The following RNF130 variants were observed in gnomAD, a reference collection of about 807,000 sequenced individuals.
The protein encoded by RNF130 is ring finger protein 130, also known as E3 ubiquitin-protein ligase RNF130.
Under a neutral mutation model 44.6 loss-of-function variants are expected in RNF130, and 21 were observed. That is an observed-to-expected ratio of 0.47 (90% CI 0.33 to 0.68). RNF130 has a LOEUF of 0.68. Ranked by LOEUF, RNF130 falls within the 30% of genes least tolerant of loss-of-function variation. RNF130 has a pLI of 0.02. For synonymous variants in RNF130, 214 were observed against 210.4 expected (o/e 1.02, Z -0.15); for missense variants, 479 against 560.6 (o/e 0.85, Z 1.47).
intron 7 of RNF130, among the ~76,000 whole-genome samples, chr5:179,949,052 GC>G (rs1316702139): frequency 2.1e-5 from 3 of 145,724 alleles, no homozygotes; most frequent in Non-Finnish European, 4.5e-5. Flanking sequence ...TGCAACCTCT[GC>G]CTCCCGGGTT....
At chr5:179,929,999 T>A (rs572369339) in intron 7 of RNF130, among the ~76,000 whole-genome samples, 1 of 152,336 alleles carries the variant, frequency 6.6e-6, no homozygotes, top group East Asian at 1.9e-4. Context: ...CTCAGTATGA[T>A]GTTTCTTTGA....
intron 7 of RNF130, among the ~76,000 whole-genome samples, chr5:179,944,933 TTTA>T (rs1274994031): frequency 2.0e-5 from 3 of 152,152 alleles, no homozygotes; most frequent in Admixed American, 6.5e-5. Context: ...GTGGCAAAGC[TTTA>T]TTTTATCACT....
intron 7 of RNF130, among the ~76,000 whole-genome samples, chr5:179,930,437 C>T (rs1477418470): frequency 6.6e-6 from 1 of 152,180 alleles, no homozygotes; most frequent in Non-Finnish European, 1.5e-5. Flanking sequence ...ATTTTAAGAG[C>T]TGATTTGTAG....
chr5:180,038,742 T>A (rs1261930786), intron 2 of RNF130, among the ~76,000 whole-genome samples: 1 of 152,124 alleles, frequency 6.6e-6, no homozygotes, highest in Non-Finnish European at 1.5e-5. Context: ...CCCTCATAAT[T>A]CCCAGATCAT....
At chr5:180,019,995 A>C (rs1047353957) in intron 2 of RNF130, among the ~76,000 whole-genome samples, 10 of 152,170 alleles carry the variant, frequency 6.6e-5, no homozygotes, top group Non-Finnish European at 1.5e-4. Context: ...GCCAGGAGGG[A>C]AACTGGGAGA....
At chr5:180,027,082 G>C (rs1171981986) in intron 2 of RNF130, among the ~76,000 whole-genome samples, 3 of 152,138 alleles carry the variant, frequency 2.0e-5, no homozygotes, top group South Asian at 2.1e-4. Context: ...ACAGCACAGA[G>C]AGCTGCCAAA....
In RNF130 at chr5:179,982,566, G is replaced by GTGTTTTGTTT. The variant is rs71591449; in HGVS notation, c.694-2376_694-2367dup. Among the ~76,000 whole-genome samples the GTGTTTTGTTT allele has an allele frequency of 1.9e-3, 279 of 150,712 alleles. 3 individuals carry two copies. Among genetic ancestry groups the GTGTTTTGTTT allele is most frequent in the African/African-American group, 5.9e-3 (241 of 40,784 alleles). ...CCAACACTTGGTATGGTGAGATTTT[G>GTGTTTTGTTT]TGTTTTGTTTTGTTTTGTTTTGTTT... On this transcript the variant is annotated intron_variant, in intron 3 of 8. Coordinates refer to ENST00000521389, the MANE Select transcript of RNF130 (RefSeq NM_018434.6).
At chr5:179,937,933 T>TGTGAGAGAGAGA (rs1268947878) in intron 7 of RNF130, among the ~76,000 whole-genome samples, 5 of 116,220 alleles carry the variant, frequency 4.3e-5, no homozygotes, top group Non-Finnish European at 7.1e-5. Context: ...TGTGTGTGTG[T>TGTGAGAGAGAGA]GAGAGAGAGA....
intron 1 of RNF130, among the ~76,000 whole-genome samples, chr5:180,059,524 A>G (rs1034586191): frequency 3.3e-5 from 5 of 152,202 alleles, no homozygotes; most frequent in Non-Finnish European, 2.9e-5. Context: ...TACTTGAGGC[A>G]GCTGTCCCAC....
At chr5:180,021,792 C>T (rs1763877184) in intron 2 of RNF130, among the ~76,000 whole-genome samples, 1 of 152,236 alleles carries the variant, frequency 6.6e-6, no homozygotes, top group Non-Finnish European at 1.5e-5. Context: ...AATACAACCC[C>T]CAAATAAGGA....
intron 8 of RNF130, among the ~76,000 whole-genome samples, chr5:179,958,266 A>G (rs1222901811): frequency 6.6e-6 from 1 of 152,236 alleles, no homozygotes; most frequent in Non-Finnish European, 1.5e-5. Context: ...TTAACGACTA[A>G]TATTAACAAC....
intron 3 of RNF130, among the ~76,000 whole-genome samples, chr5:179,981,793 C>T (rs950481937): frequency 6.6e-6 from 1 of 152,228 alleles, no homozygotes; most frequent in Non-Finnish European, 1.5e-5. Context: ...GATACAAAAT[C>T]CACACACTGC....
chr5:179,920,293 C>G lies in RNF130; in HGVS notation c.*24G>C, dbSNP rs748032933. 58 of 687,752 alleles carry G rather than the reference C, an allele frequency of 8.4e-5. No individual in the cohort carries two copies. In the South Asian group the frequency reaches 8.7e-4, roughly 10 times the overall value. The allele number at this position is 687,752 out of a possible 1,614,324, so 42.6% of individuals were successfully genotyped here. A position where few individuals can be genotyped will look rare whatever the true frequency, so the allele number is the denominator to read the frequency against. On this transcript the variant is annotated 3_prime_UTR_variant, in exon 8 of 8. Transcript: ENST00000522208. ...AATCAAATCACAAAAGCAGTGACCC[C>G]AACAGCCAGGCCATGTTTAAAATTC...
chr5:179,963,007 C>T (rs1290312700), intron 8 of RNF130, among the ~76,000 whole-genome samples: 5 of 152,230 alleles, frequency 3.3e-5, no homozygotes, highest in Admixed American at 3.3e-4. Flanking sequence ...TTTCAAACTG[C>T]TTCTTTCCTG....
At chr5:180,060,820 A>G (rs1471549336) in intron 1 of RNF130, among the ~76,000 whole-genome samples, 1 of 152,220 alleles carries the variant, frequency 6.6e-6, no homozygotes, top group Non-Finnish European at 1.5e-5. Context: ...CTGTAATCCC[A>G]GCACTTTGGG....
At chr5:180,011,891 T>C (rs12516364) in intron 3 of RNF130, among the ~76,000 whole-genome samples, 17,267 of 152,200 alleles carry the variant, frequency 0.11, 2,131 homozygotes, top group African/African-American at 0.31. Flanking sequence ...AAATTTTTTG[T>C]TAAGTCTAAA....
intron 3 of RNF130, among the ~76,000 whole-genome samples, chr5:179,986,355 T>G (rs1365306789): frequency 2.0e-5 from 3 of 152,250 alleles, no homozygotes; most frequent in Admixed American, 6.5e-5. Context: ...CTTTTTCTTG[T>G]AACGTCATGA....
chr5:180,036,372 T>C (rs1561701697), intron 2 of RNF130, among the ~76,000 whole-genome samples: 1 of 152,212 alleles, frequency 6.6e-6, no homozygotes, highest in Admixed American at 6.5e-5. Context: ...AGCCCACCTC[T>C]GTGAAGTCAC....
At chr5:180,049,754 A>C (rs1398494536) in intron 1 of RNF130, among the ~76,000 whole-genome samples, 1 of 151,972 alleles carries the variant, frequency 6.6e-6, no homozygotes. Flanking sequence ...ATATAGCTGG[A>C]TTCATCTCTA....
Sources: allele counts gnomAD v4.1 joint callset (sites outside exome capture counted in the v4.1 genomes callset), GRCh38; gene constraint gnomAD v4.1.1; transcripts MANE v1.5; gene names NCBI Gene and HGNC (gene_info 2026-07-23, HGNC 2026-07-21).